The following DISP3 variants were observed in gnomAD, a reference collection of about 807,000 sequenced individuals.
DISP3 encodes dispatched RND transporter family member 3.
Under a neutral mutation model 135.3 loss-of-function variants are expected in DISP3, and 101 were observed. The ratio of observed to expected loss-of-function variants is 0.75; its 90% CI spans 0.64 to 0.88. The LOEUF (loss-of-function observed/expected upper bound fraction) is 0.88, where lower values mean the gene tolerates loss of function less well. Among genes scored for constraint, DISP3 ranks in the 40% least tolerant of loss-of-function variants. DISP3 has a pLI of 0.00. For synonymous variants in DISP3, 856 were observed against 817.0 expected, an observed-to-expected ratio of 1.05 and a Z score of -0.81; for missense variants, 1,713 against 1,878.6, an observed-to-expected ratio of 0.91 and a Z score of 1.63.
chr1:11,500,969 G>C, intron 1 of DISP3, 21 bp from the exon 2 acceptor site: 1 of 1,612,494 alleles, frequency 6.2e-7, no homozygotes, highest in South Asian at 1.1e-5. Context: ...CTAGCCTGCT[G>C]ACCCTCTCCC....
At chr1:11,508,307 A>G (rs1272074680) in intron 3 of DISP3, among the ~76,000 whole-genome samples, 3 of 152,114 alleles carry the variant, frequency 2.0e-5, no homozygotes, top group Admixed American at 1.3e-4. Flanking sequence ...AGTCCTTGCT[A>G]CTTTGGAGGC....
At chr1:11,479,842 C>G (rs1640842848) in intron 1 of DISP3, among the ~76,000 whole-genome samples, 1 of 152,190 alleles carries the variant, frequency 6.6e-6, no homozygotes. Context: ...CACTCCCTAC[C>G]TAGCGTACTC....
rs1642656550 is a variant in DISP3 at position 11,534,511 on chromosome 1, A to G, written c.3506A>G (p.His1169Arg). 6.2e-7 allele frequency: 1 copy of G among 1,611,826 alleles called. No homozygotes were observed. Among genetic ancestry groups the G allele is most frequent in the Non-Finnish European group, 8.5e-7 (1 of 1,178,416 alleles). ...CGCCGGGGCTTCCAGACCTGCGAGCACTGGAAGCAGATATTCATGGAAATC... is the reference window on the plus strand; with the variant it reads ...CGCCGGGGCTTCCAGACCTGCGAGCGCTGGAAGCAGATATTCATGGAAATC... ...VLRRGFQTCE[H>R]WKQIFMEIVG... The change falls in exon 18 of 21, where the codon CAC becomes CGC. Residue 1169 changes from histidine (H) to arginine (R), a missense_variant. Around this residue, in one of 2 missense-constraint regions of DISP3, gnomAD observed 1,142 missense variants for 1,384.6 expected, o/e 0.82. Transcript: ENST00000294484.
intron 3 of DISP3, among the ~76,000 whole-genome samples, chr1:11,504,029 C>A (rs1036213263): frequency 2.6e-5 from 4 of 152,184 alleles, no homozygotes; most frequent in Non-Finnish European, 5.9e-5. Context: ...CAGTCCCCCA[C>A]CCTGATAGGC....
At chr1:11,500,533 T>C (rs898367872) in intron 1 of DISP3, among the ~76,000 whole-genome samples, 2 of 152,194 alleles carry the variant, frequency 1.3e-5, no homozygotes, top group African/African-American at 4.8e-5. Flanking sequence ...TCATGCTCTT[T>C]CCCTTGCACC....
chr1:11,490,708 G>C (rs983551544), intron 1 of DISP3, among the ~76,000 whole-genome samples: 1 of 152,202 alleles, frequency 6.6e-6, no homozygotes, highest in Non-Finnish European at 1.5e-5. Context: ...TGGCCAGAGA[G>C]GGTTAGTCGG....
chr1:11,515,697 G>A (rs1399362268), intron 5 of DISP3, among the ~76,000 whole-genome samples, 194 bp downstream of exon 5: 3 of 152,228 alleles, frequency 2.0e-5, no homozygotes, highest in African/African-American at 4.8e-5. Flanking sequence ...GAGAGAGCAG[G>A]AAGGTTTGCT....
chr1:11,508,299 T>G (rs1440216700), intron 3 of DISP3, among the ~76,000 whole-genome samples: 1 of 152,100 alleles, frequency 6.6e-6, no homozygotes, highest in Non-Finnish European at 1.5e-5. Context: ...ATGCCTGTAG[T>G]CCTTGCTACT....
intron 12 of DISP3, among the ~76,000 whole-genome samples, chr1:11,525,655 T>C (rs1211587326): frequency 6.6e-6 from 1 of 152,270 alleles, no homozygotes; most frequent in African/African-American, 2.4e-5. Context: ...AGGTGAGGCC[T>C]GTGCCGTGCA....
intron 1 of DISP3, among the ~76,000 whole-genome samples, chr1:11,492,009 C>T (rs1295175087): frequency 1.4e-5 from 2 of 147,834 alleles, no homozygotes; most frequent in African/African-American, 5.0e-5. Flanking sequence ...GTAGTCCCAG[C>T]TACTTGGGAG....
At chr1:11,533,741 A>ACACGCACGCACG (rs1642632628) in intron 17 of DISP3, 3 of 716,814 alleles carry the variant, frequency 4.2e-6, no homozygotes, top group Non-Finnish European at 7.8e-6. Context: ...ACGCATGCAC[A>ACACGCACGCACG]CACACACGCA....
chr1:11,535,762 C>T (rs1421701790), intron 20 of DISP3, 118 bp downstream of exon 20: 1 of 1,328,720 alleles, frequency 7.5e-7, no homozygotes, highest in East Asian at 2.4e-5. Context: ...CCCATGCAGG[C>T]TGTGTTCTAG....
chr1:11,525,225 C>T lies in DISP3; in HGVS notation c.2526C>T (p.Pro842=), dbSNP rs777958410. ...CTAAAGTGAAGAGTCAAGGCCACCC[C>T]GCTGTCTACAGGCTCTCCCTCAATG... is the stretch of plus-strand genomic sequence containing the variant. ...YISKVKSQGH[P]AVYRLSLNAS... Residue 842 remains proline (P), a synonymous_variant, in exon 12 of 21, where the codon CCC becomes CCT. Transcript: ENST00000294484. The T allele has an allele frequency of 3.7e-5, 59 of 1,614,116 alleles. 1 individual carries two copies. In the Admixed American group the frequency reaches 4.7e-4, roughly 13 times the overall value.
In DISP3 at chr1:11,486,839, C is replaced by T. The variant is rs543163865; in HGVS notation, c.-4+7467C>T. On this transcript the variant is annotated intron_variant, in intron 1 of 20. Coordinates refer to ENST00000294484, the MANE Select transcript of DISP3 (RefSeq NM_020780.2). ...ACTACGGGTGCGCATGACCACGCGCCGGATAAGTTTTTTACTTTTAGTAGA... is the reference window on the plus strand; with the variant it reads ...ACTACGGGTGCGCATGACCACGCGCTGGATAAGTTTTTTACTTTTAGTAGA... Among the ~76,000 whole-genome samples, 6 of 152,088 alleles carry T rather than the reference C, an allele frequency of 3.9e-5. No homozygotes were observed. In the East Asian group the frequency reaches 5.8e-4, roughly 15 times the overall value.
chr1:11,481,491 T>C (rs1304158322), intron 1 of DISP3: 1 of 152,270 alleles, frequency 6.6e-6, no homozygotes, highest in Non-Finnish European at 1.5e-5. Context: ...CCTCTCCTGC[T>C]GTTGTCCTTC....
chr1:11,523,106 C>T (rs975505549), intron 10 of DISP3, among the ~76,000 whole-genome samples: 7 of 152,238 alleles, frequency 4.6e-5, no homozygotes, highest in Non-Finnish European at 8.8e-5. Context: ...CAGAACCCAG[C>T]GGGGCTGCAA....
In DISP3 at chr1:11,531,499, G is replaced by T; in HGVS notation, c.3230-66G>T. ...GAGGTATGTGAGTGCGTGGGCACAG[G>T]TGTGATGCAGGGGGACAGGCTCTTC... On this transcript the variant is annotated intron_variant, in intron 16 of 20. Coordinates refer to ENST00000294484, the MANE Select transcript of DISP3 (RefSeq NM_020780.2). The surrounding 1 kb of genome is among the most constrained non-coding windows in gnomAD (Gnocchi z 5.2). 3 of 1,606,908 alleles carry T rather than the reference G, an allele frequency of 1.9e-6. No homozygotes were observed. Among genetic ancestry groups the T allele is most frequent in the Non-Finnish European group, 2.6e-6 (3 of 1,174,942 alleles).
intron 3 of DISP3, among the ~76,000 whole-genome samples, chr1:11,506,334 A>G (rs1237361203): frequency 6.6e-6 from 1 of 152,158 alleles, no homozygotes; most frequent in East Asian, 1.9e-4. Flanking sequence ...ATTTGCTTCT[A>G]TCTTGTCTCT....
intron 1 of DISP3, among the ~76,000 whole-genome samples, chr1:11,487,294 G>A (rs1268425848): frequency 6.6e-6 from 1 of 152,178 alleles, no homozygotes; most frequent in Non-Finnish European, 1.5e-5. Flanking sequence ...CTTTGGCTCT[G>A]GATTGGAGAG....
Sources: gnomAD v4.1 joint callset for allele counts (sites outside exome capture counted in the v4.1 genomes callset) on GRCh38, gnomAD v4.1.1 for gene constraint, gnomAD v4.1.1 regional missense constraint, Gnocchi (gnomAD v3.1) non-coding constraint, MANE v1.5 for transcripts, NCBI Gene and HGNC (gene_info 2026-07-23, HGNC 2026-07-21) for gene names.